HS1BP3: variants seen among roughly 807,000 people sequenced by gnomAD.
HS1BP3 encodes HCLS1 binding protein 3.
In HS1BP3, 32 loss-of-function variants were observed where a neutral mutation model predicts 33.5. The observed-to-expected ratio is 0.95, with a 90% CI of 0.72 to 1.28. The LOEUF (loss-of-function observed/expected upper bound fraction) is 1.28, where lower values mean the gene tolerates loss of function less well. Among genes scored for constraint, HS1BP3 ranks in the 50% most tolerant of loss-of-function variants. HS1BP3 has a pLI of 0.00. For missense variants in HS1BP3, 486 were observed against 502.3 expected (o/e 0.97, Z 0.31); for synonymous variants, 187 against 209.2 (o/e 0.89, Z 0.92).
intron 2 of HS1BP3, among the ~76,000 whole-genome samples, chr2:20,612,213 C>T (rs1468404270): frequency 6.6e-6 from 1 of 152,144 alleles, no homozygotes. Flanking sequence ...AGCCAGGAAG[C>T]CCAAAAGCCA....
intron 6 of HS1BP3, 61 bp from the exon 7 acceptor site, chr2:20,619,306 C>A: frequency 7.1e-7 from 1 of 1,408,790 alleles, no homozygotes; most frequent in Non-Finnish European, 9.6e-7. Context: ...AGGAACAAGA[C>A]CCCAGGCAAT....
At position 20,641,135 on chromosome 2, in the gene HS1BP3, T is replaced by C; in HGVS notation, c.244A>G (p.Ser82Gly). The change falls in exon 3 of 7, where the codon AGC becomes GGC. Residue 82 changes from serine to glycine, a missense_variant. Ser to Gly is a moderately conservative substitution (Grantham distance 56). Coordinates refer to ENST00000304031, the MANE Select transcript of HS1BP3 (RefSeq NM_022460.4). ...SEIEEFYQKL[S>G]SRYAAASLPP... ...AGGCTGGCTGCTGCATAACGACTGC[T>C]CAGTTTCTGGTAAAACTCCTCAATC... 6.2e-7 allele frequency: 1 copy of C among 1,611,764 alleles called. No individual in the cohort carries two copies. The highest frequency in any genetic ancestry group is 8.5e-7 in the Non-Finnish European group (1 of 1,179,986).
chr2:20,615,302 C>T (rs1164651842), downstream of HS1BP3, among the ~76,000 whole-genome samples: 1 of 152,236 alleles, frequency 6.6e-6, no homozygotes, highest in African/African-American at 2.4e-5. Context: ...CAGAACCTGG[C>T]TGCTGCTTCA....
intron 5 of HS1BP3, among the ~76,000 whole-genome samples, chr2:20,566,452 G>GT (rs1693129960): frequency 1.3e-5 from 2 of 152,184 alleles, no homozygotes; most frequent in Non-Finnish European, 2.9e-5. Flanking sequence ...TGGGTCTCCT[G>GT]TTCCCTGGCT....
At chr2:20,606,555 T>A in intron 2 of HS1BP3, 1 of 487,242 alleles carries the variant, frequency 2.1e-6, no homozygotes, top group Non-Finnish European at 4.1e-6. Context: ...TTGGAGCACT[T>A]CTTCTTTTTG....
chr2:20,609,148 A>G (rs1472637352), intron 2 of HS1BP3, among the ~76,000 whole-genome samples: 1 of 152,198 alleles, frequency 6.6e-6, no homozygotes, highest in Non-Finnish European at 1.5e-5. Context: ...ACCCATGGGT[A>G]GCTGCAGGAT....
rs753120863 is a variant in HS1BP3, at chr2:20,645,362, G to A, written c.176C>T (p.Pro59Leu). 3 of 1,613,880 alleles carry A rather than the reference G, an allele frequency of 1.9e-6. No individual in the cohort carries two copies. The highest frequency in any genetic ancestry group is 1.1e-5 in the South Asian group (1 of 91,054). The change falls in exon 2 of 7, where the codon CCC becomes CTC. Residue 59 changes from proline to leucine, a missense_variant. Physicochemically the swap from Pro to Leu is moderately conservative, Grantham distance 98. Coordinates refer to ENST00000304031, the MANE Select transcript of HS1BP3 (RefSeq NM_022460.4). ...CACCAAGAACTGGACGACATCCTCG[G>A]GCCTGTGCTTGGCCGACTTGAACGC... ...LAAFKSAKHR[P>L]EDVVQFLVSK...
At chr2:20,573,247 C>A (rs72782346) in intron 5 of HS1BP3, among the ~76,000 whole-genome samples, 7,256 of 152,166 alleles carry the variant, frequency 0.048, 179 homozygotes, top group Middle Eastern at 0.1. Context: ...GCTAGAGGGG[C>A]AAAGCATTCT....
chr2:20,596,570 C>G (rs1370475614), intron 3 of HS1BP3, among the ~76,000 whole-genome samples: 11 of 152,238 alleles, frequency 7.2e-5, no homozygotes, highest in African/African-American at 2.2e-4. Context: ...CCTTGGACTT[C>G]TCAGCCTCCA....
At chr2:20,566,346 T>C (rs1693127351) in intron 5 of HS1BP3, among the ~76,000 whole-genome samples, 3 of 152,222 alleles carry the variant, frequency 2.0e-5, no homozygotes, top group Admixed American at 2.0e-4. Context: ...CCCAGGGATC[T>C]GTAGTATGTG....
intron 2 of HS1BP3, among the ~76,000 whole-genome samples, chr2:20,598,822 T>C (rs1332753119): frequency 1.3e-5 from 2 of 152,218 alleles, no homozygotes; most frequent in East Asian, 3.9e-4. Flanking sequence ...CCTCCCAAAG[T>C]GCTGGGATTA....
intron 3 of HS1BP3, among the ~76,000 whole-genome samples, chr2:20,595,681 C>A (rs1476071838): frequency 1.3e-5 from 2 of 152,220 alleles, no homozygotes; most frequent in Admixed American, 6.5e-5. Flanking sequence ...CCTGCTGACT[C>A]TTCCGTGACA....
chr2:20,587,599 A>C (rs185218010), intron 5 of HS1BP3, among the ~76,000 whole-genome samples: 1 of 152,300 alleles, frequency 6.6e-6, no homozygotes, highest in Admixed American at 6.5e-5. Flanking sequence ...CCCAGAAAGT[A>C]TCAGAGACCA....
intron 3 of HS1BP3, chr2:20,640,633 G>T (rs1695308235): frequency 5.9e-6 from 3 of 505,472 alleles, no homozygotes; most frequent in Non-Finnish European, 1.1e-5. Flanking sequence ...GGAGTGTGGG[G>T]TGTGTGTCAG....
chr2:20,576,231 T>C (rs1374313334), intron 5 of HS1BP3, among the ~76,000 whole-genome samples: 1 of 152,188 alleles, frequency 6.6e-6, no homozygotes, highest in African/African-American at 2.4e-5. Flanking sequence ...TCCTCCTACC[T>C]CGGCCTCCAA....
chr2:20,614,415 G>A (rs1358120360), downstream of HS1BP3, among the ~76,000 whole-genome samples: 2 of 152,224 alleles, frequency 1.3e-5, no homozygotes, highest in Non-Finnish European at 1.5e-5. Flanking sequence ...TGGCAGAGGG[G>A]GAAGGACAGG....
intron 3 of HS1BP3, chr2:20,640,536 C>G: frequency 2.4e-6 from 1 of 424,756 alleles, no homozygotes; most frequent in East Asian, 3.3e-5. Flanking sequence ...AGCACATGTC[C>G]CCAGGGGCAG....
chr2:20,607,773 C>G (rs1391971558), intron 2 of HS1BP3, among the ~76,000 whole-genome samples: 1 of 152,164 alleles, frequency 6.6e-6, no homozygotes, highest in Non-Finnish European at 1.5e-5. Context: ...ATTAGCTTTT[C>G]CATTTCTGTA....
chr2:20,584,124 C>T (rs1403741690), intron 5 of HS1BP3, among the ~76,000 whole-genome samples: 3 of 152,224 alleles, frequency 2.0e-5, no homozygotes, highest in Admixed American at 6.5e-5. Context: ...GGACACAGGG[C>T]TGTGTCCCCA....
Sources: gnomAD v4.1 joint callset for allele counts (sites outside exome capture counted in the v4.1 genomes callset) on GRCh38, gnomAD v4.1.1 for gene constraint, MANE v1.5 for transcripts, NCBI Gene and HGNC (gene_info 2026-07-23, HGNC 2026-07-21) for gene names.